Variants in ASCC3 observed in about 807,000 individuals in gnomAD.
ASCC3 encodes the protein ASC-1 complex subunit P200.
ASCC3 carries 158 observed loss-of-function variants against 256.3 expected under a neutral mutation model. That is an observed-to-expected ratio of 0.62 (90% CI 0.54 to 0.70). The LOEUF (loss-of-function observed/expected upper bound fraction) is 0.70. ASCC3 is among the 30% of genes least tolerant of loss of function. The pLI is 0.00. For synonymous variants in ASCC3, 948 were observed against 883.4 expected (o/e 1.07, Z -1.30); for missense variants, 2,259 against 2,626.0 (o/e 0.86, Z 3.05).
intron 37 of ASCC3, chr6:100,530,672 C>G: frequency 2.3e-6 from 2 of 880,982 alleles, no homozygotes. Context: ...TAGGATGTGA[C>G]AGCATAGAAA....
chr6:100,864,399 T>G (rs1295979251), intron 2 of ASCC3, among the ~76,000 whole-genome samples, 185 bp from the exon 3 acceptor site: 1 of 152,220 alleles, frequency 6.6e-6, no homozygotes, highest in African/African-American at 2.4e-5. Flanking sequence ...GTTCATAGAT[T>G]CTCATTCGTT....
At chr6:100,725,141 A>C (rs1779564570) in intron 11 of ASCC3, among the ~76,000 whole-genome samples, 1 of 152,054 alleles carries the variant, frequency 6.6e-6, no homozygotes, top group African/African-American at 2.4e-5. Flanking sequence ...AATAAAAGAC[A>C]ATAAATGAGG....
chr6:100,702,816 G>A (rs572354850), intron 13 of ASCC3, among the ~76,000 whole-genome samples: 13 of 152,162 alleles, frequency 8.5e-5, no homozygotes, highest in Non-Finnish European at 1.6e-4. Context: ...TATTATCAGG[G>A]AATTTTATCT....
intron 30 of ASCC3, among the ~76,000 whole-genome samples, chr6:100,612,601 C>T (rs1306018705): frequency 6.6e-6 from 1 of 151,918 alleles, no homozygotes; most frequent in African/African-American, 2.4e-5. Context: ...TCTATCATAT[C>T]TGGTACAGAT....
chr6:100,858,907 GATT>G (rs1393080689), intron 3 of ASCC3: 4 of 542,020 alleles, frequency 7.4e-6, no homozygotes, highest in Non-Finnish European at 1.3e-5. Flanking sequence ...ATTACATTTT[GATT>G]ATTATATGCC....
At chr6:100,547,755 C>T (rs1173875254) in intron 36 of ASCC3, among the ~76,000 whole-genome samples, 1 of 151,872 alleles carries the variant, frequency 6.6e-6, no homozygotes, top group Non-Finnish European at 1.5e-5. Flanking sequence ...ATTAAACATA[C>T]ACCCACCATG....
intron 13 of ASCC3, among the ~76,000 whole-genome samples, chr6:100,682,540 G>A (rs772651209): frequency 4.6e-5 from 7 of 152,148 alleles, no homozygotes; most frequent in Admixed American, 1.3e-4. Context: ...TGTGGATAAC[G>A]TGGGAACCCT....
At chr6:100,630,540 AG>A (rs1369955189) in intron 26 of ASCC3, among the ~76,000 whole-genome samples, 1 of 150,004 alleles carries the variant, frequency 6.7e-6, no homozygotes, top group East Asian at 1.9e-4. Context: ...AAATTCATAT[AG>A]TTTTTTTTAC....
intron 2 of ASCC3, 64 bp downstream of exon 2, chr6:100,867,844 C>A: frequency 7.4e-7 from 1 of 1,354,586 alleles, no homozygotes; most frequent in South Asian, 1.2e-5. Flanking sequence ...AAAAGAATGT[C>A]AAATAGTTGT....
At chr6:100,532,335 C>CGTGTGTGTGTGTGT (rs3073701) in intron 37 of ASCC3, among the ~76,000 whole-genome samples, 2 of 99,790 alleles carry the variant, frequency 2.0e-5, no homozygotes, top group Admixed American at 1.2e-4. Flanking sequence ...TGCTATCTTG[C>CGTGTGTGTGTGTGT]GTGTGTGTGT....
At chr6:100,843,525 T>G (rs2114491899) in intron 4 of ASCC3, among the ~76,000 whole-genome samples, 1 of 152,296 alleles carries the variant, frequency 6.6e-6, no homozygotes, top group East Asian at 1.9e-4. Context: ...ACATCAGCAT[T>G]AATAGCTTTG....
intron 36 of ASCC3, among the ~76,000 whole-genome samples, chr6:100,572,522 A>G (rs1053980384): frequency 6.6e-6 from 1 of 152,186 alleles, no homozygotes; most frequent in Admixed American, 6.6e-5. Flanking sequence ...AAAAGGGAAT[A>G]GGGCATAGGG....
chr6:100,698,350 A>C (rs1263954612), intron 13 of ASCC3, among the ~76,000 whole-genome samples: 2 of 152,162 alleles, frequency 1.3e-5, no homozygotes, highest in Non-Finnish European at 2.9e-5. Context: ...GGTTAATTTT[A>C]AAAACTGTTG....
intron 36 of ASCC3, among the ~76,000 whole-genome samples, chr6:100,545,762 T>G (rs552031248): frequency 9.2e-5 from 14 of 152,270 alleles, no homozygotes; most frequent in African/African-American, 2.6e-4. Flanking sequence ...AAATATTTTT[T>G]GTAGACTTGG....
intron 4 of ASCC3, among the ~76,000 whole-genome samples, chr6:100,846,937 T>C (rs1174706515): frequency 6.6e-6 from 1 of 152,142 alleles, no homozygotes; most frequent in East Asian, 1.9e-4. Context: ...GCTATCTTAT[T>C]CATCCTTTTA....
intron 14 of ASCC3, among the ~76,000 whole-genome samples, chr6:100,674,845 T>C (rs1050266897): frequency 5.9e-5 from 9 of 151,990 alleles, no homozygotes; most frequent in Admixed American, 2.0e-4. Flanking sequence ...GTTGCCAGGC[T>C]GATCTCAAAC....
chr6:100,858,102 T>G, intron 3 of ASCC3: 1 of 305,702 alleles, frequency 3.3e-6, no homozygotes, highest in Non-Finnish European at 4.8e-6. Context: ...ACGTATTTGA[T>G]GTTTATGATG....
intron 13 of ASCC3, among the ~76,000 whole-genome samples, chr6:100,705,014 T>C (rs1384341045): frequency 6.6e-6 from 1 of 152,044 alleles, no homozygotes; most frequent in African/African-American, 2.4e-5. Context: ...TTAGCCGGAA[T>C]GATAAAGCTG....
intron 34 of ASCC3, among the ~76,000 whole-genome samples, chr6:100,593,103 G>T (rs1455303665): frequency 1.3e-5 from 2 of 152,116 alleles, no homozygotes; most frequent in African/African-American, 2.4e-5. Context: ...CACACAAGCA[G>T]GGTTGAATAT....
Sources: allele counts gnomAD v4.1 joint callset (sites outside exome capture counted in the v4.1 genomes callset), GRCh38; gene constraint gnomAD v4.1.1; transcripts MANE v1.5; gene names NCBI Gene and HGNC (gene_info 2026-07-23, HGNC 2026-07-21).